Variants in NRDC observed in about 807,000 individuals in gnomAD.
NRDC encodes the protein nardilysin convertase.
Under a neutral mutation model 147.1 loss-of-function variants are expected in NRDC, and 54 were observed. The observed-to-expected ratio is 0.37, with a 90% CI of 0.29 to 0.46. The LOEUF (loss-of-function observed/expected upper bound fraction) is 0.46. NRDC is among the 20% of genes least tolerant of loss of function. The pLI, the probability that NRDC is intolerant of heterozygous loss-of-function variation, is 1.00. For synonymous variants in NRDC, 440 were observed against 482.1 expected (o/e 0.91, Z 1.14); for missense variants, 1,082 against 1,370.6 (o/e 0.79, Z 3.33).
chr1:51,834,355 G>C (rs928511235), intron 3 of NRDC, among the ~76,000 whole-genome samples, 185 bp from the exon 4 acceptor site: 1 of 151,528 alleles, frequency 6.6e-6, no homozygotes, highest in East Asian at 1.9e-4. Flanking sequence ...ATGGAGCACA[G>C]TGGTGCAATC....
At chr1:51,874,595 T>C (rs535641079) in intron 1 of NRDC, among the ~76,000 whole-genome samples, 1 of 152,160 alleles carries the variant, frequency 6.6e-6, no homozygotes, top group South Asian at 2.1e-4. Flanking sequence ...GGTTACAAAG[T>C]GAGACCCTGC....
intron 29 of NRDC, among the ~76,000 whole-genome samples, chr1:51,790,086 C>A (rs1571830659): frequency 6.6e-6 from 1 of 152,152 alleles, no homozygotes. Context: ...TGGTAATTCA[C>A]CATGTAGGGG....
intron 1 of NRDC, among the ~76,000 whole-genome samples, chr1:51,865,726 A>C (rs2124102152): frequency 6.6e-6 from 1 of 152,318 alleles, no homozygotes; most frequent in Admixed American, 6.5e-5. Flanking sequence ...AGTGAGAAAT[A>C]CAATTTTCCA....
chr1:51,848,056 T>C (rs1681742672), intron 1 of NRDC, among the ~76,000 whole-genome samples: 1 of 152,264 alleles, frequency 6.6e-6, no homozygotes. Flanking sequence ...GAGGATCACG[T>C]CTATAAATCA....
At chr1:51,815,483 G>GA (rs199844739) in intron 11 of NRDC, among the ~76,000 whole-genome samples, 3,390 of 152,104 alleles carry the variant, frequency 0.022, 114 homozygotes, top group African/African-American at 0.078. Flanking sequence ...GATTAATTCT[G>GA]AAAAATTAAA....
Position 51,805,574 on chromosome 1 carries a change from A to G in NRDC, c.2111-13T>C. 2 of 1,552,788 alleles carry G rather than the reference A, an allele frequency of 1.3e-6. No homozygotes were observed. The highest frequency in any genetic ancestry group is 8.7e-7 in the Non-Finnish European group (1 of 1,149,528). ...AAACGTATATATGCTAAAAGAAAAAAGACCATAGATAAAAAAGGTTAGGGG... is the reference window on the plus strand; with the variant it reads ...AAACGTATATATGCTAAAAGAAAAAGGACCATAGATAAAAAAGGTTAGGGG... On this transcript the variant is annotated splice_polypyrimidine_tract_variant and intron_variant, in intron 18 of 30. Coordinates refer to ENST00000352171, the MANE Select transcript of NRDC (RefSeq NM_001101662.2).
intron 17 of NRDC, among the ~76,000 whole-genome samples, chr1:51,808,284 A>G (rs1037238950): frequency 6.6e-6 from 1 of 152,228 alleles, no homozygotes; most frequent in Non-Finnish European, 1.5e-5. Flanking sequence ...CTACTCCTTA[A>G]GAGACTGCTC....
At chr1:51,866,972 C>T (rs1317987935) in intron 1 of NRDC, among the ~76,000 whole-genome samples, 2 of 151,988 alleles carry the variant, frequency 1.3e-5, no homozygotes, top group Non-Finnish European at 2.9e-5. Flanking sequence ...TTTATATATA[C>T]ATATATGCCA....
chr1:51,823,990 C>T (rs1680329731), intron 6 of NRDC, among the ~76,000 whole-genome samples: 1 of 151,824 alleles, frequency 6.6e-6, no homozygotes, highest in East Asian at 1.9e-4. Flanking sequence ...ATTTTAATAT[C>T]CAAGGAATTA....
intron 1 of NRDC, among the ~76,000 whole-genome samples, chr1:51,866,188 C>T (rs1682796134): frequency 6.6e-6 from 1 of 152,090 alleles, no homozygotes; most frequent in African/African-American, 2.4e-5. Flanking sequence ...CACCACTGCA[C>T]TCCAGCCTGG....
intron 10 of NRDC, among the ~76,000 whole-genome samples, chr1:51,816,792 T>C (rs1679989696): frequency 6.6e-6 from 1 of 152,202 alleles, no homozygotes; most frequent in South Asian, 2.1e-4. Flanking sequence ...TAAAATGAAA[T>C]GTGTTGTTCA....
At chr1:51,815,100 A>G (rs1036665546) in intron 11 of NRDC, among the ~76,000 whole-genome samples, 4 of 152,204 alleles carry the variant, frequency 2.6e-5, no homozygotes, top group African/African-American at 7.2e-5. Flanking sequence ...AGTTTTATTA[A>G]GCCAAAACCA....
At chr1:51,871,303 C>G (rs189637413) in intron 1 of NRDC, among the ~76,000 whole-genome samples, 1 of 152,122 alleles carries the variant, frequency 6.6e-6, no homozygotes, top group African/African-American at 2.4e-5. Context: ...GGTGACAGAG[C>G]AAGACTCCAT....
Position 51,825,287 on chromosome 1 carries a change from C to A in NRDC, c.1036G>T (p.Gly346Ter). 2 of 1,576,302 alleles carry A rather than the reference C, an allele frequency of 1.3e-6. No homozygotes were observed. The highest frequency in any genetic ancestry group is 1.7e-6 in the Non-Finnish European group (2 of 1,156,322). Residue 346 changes from glycine (G) to a stop codon, truncating the protein, a stop_gained and splice_region_variant, in exon 6 of 31, where the codon GGA becomes TGA. Transcript: ENST00000352171. LOFTEE classifies it high-confidence loss of function. ...TAAGATGATGTATTTAGTATCTTAC[C>A]CCAAAAAAATTTTCCCATAGGATGT... ...PGHPMGKFFW[G>*]NAETLKHEPR...
At chr1:51,847,833 G>T (rs1479438214) in intron 1 of NRDC, among the ~76,000 whole-genome samples, 2 of 152,246 alleles carry the variant, frequency 1.3e-5, no homozygotes, top group African/African-American at 4.8e-5. Flanking sequence ...GCGGCGGCCT[G>T]AAGAGCCCCT....
chr1:51,806,200 C>T (rs957198177), intron 18 of NRDC, among the ~76,000 whole-genome samples: 1 of 151,698 alleles, frequency 6.6e-6, no homozygotes, highest in African/African-American at 2.4e-5. Context: ...TAACTCTATA[C>T]TATGCTTCCT....
chr1:51,811,568 AT>A (rs1393195515), intron 15 of NRDC, among the ~76,000 whole-genome samples: 1 of 152,228 alleles, frequency 6.6e-6, no homozygotes, highest in Non-Finnish European at 1.5e-5. Flanking sequence ...CCTAAGTCAT[AT>A]GTTTCTAATT....
chr1:51,824,500 G>A (rs1680357438), intron 6 of NRDC, among the ~76,000 whole-genome samples: 1 of 152,014 alleles, frequency 6.6e-6, no homozygotes, highest in Non-Finnish European at 1.5e-5. Context: ...AATATACAGG[G>A]AAACAAAACA....
chr1:51,842,989 G>A (rs1426117159), intron 1 of NRDC, among the ~76,000 whole-genome samples: 1 of 150,768 alleles, frequency 6.6e-6, no homozygotes, highest in East Asian at 1.9e-4. Context: ...GCTTAAGCCC[G>A]GGACATGGAA....
Sources: gnomAD v4.1 joint callset for allele counts (sites outside exome capture counted in the v4.1 genomes callset) on GRCh38, gnomAD v4.1.1 for gene constraint, MANE v1.5 for transcripts, NCBI Gene and HGNC (gene_info 2026-07-23, HGNC 2026-07-21) for gene names.